HDAC9: variants seen among roughly 807,000 people sequenced by gnomAD.
The protein encoded by HDAC9 is histone deacetylase 9, also known as MEF-2 interacting transcription repressor (MITR) protein.
Under a neutral mutation model 139.4 loss-of-function variants are expected in HDAC9, and 41 were observed. The observed-to-expected ratio is 0.29, with a 90% CI of 0.23 to 0.38. The LOEUF (loss-of-function observed/expected upper bound fraction) is 0.38, where lower values mean the gene tolerates loss of function less well. Among genes scored for constraint, HDAC9 ranks in the 10% least tolerant of loss-of-function variants. HDAC9 has a pLI of 1.00. For synonymous variants in HDAC9, 517 were observed against 476.2 expected, an observed-to-expected ratio of 1.09 and a Z score of -1.12; for missense variants, 1,147 against 1,297.0, an observed-to-expected ratio of 0.88 and a Z score of 1.78.
At chr7:18,432,947 TC>T (rs1200619485) in intron 1 of HDAC9, among the ~76,000 whole-genome samples, 1 of 147,806 alleles carries the variant, frequency 6.8e-6, no homozygotes, top group South Asian at 2.1e-4. Flanking sequence ...TGAGACTCTG[TC>T]TTAAAAAAAA....
intron 2 of HDAC9, among the ~76,000 whole-genome samples, chr7:18,276,166 G>T (rs949234162): frequency 6.6e-6 from 1 of 152,138 alleles, no homozygotes; most frequent in African/African-American, 2.4e-5. Context: ...ATTTTTATCA[G>T]ATTTTATATC....
At chr7:18,800,820 G>A (rs1028697319) in intron 17 of HDAC9, among the ~76,000 whole-genome samples, 1 of 151,962 alleles carries the variant, frequency 6.6e-6, no homozygotes, top group Non-Finnish European at 1.5e-5. Flanking sequence ...AAGACAGAGC[G>A]AGGCCTTGTT....
rs1015539979 is a variant in HDAC9 at position 18,935,674 on chromosome 7, T to C, written c.2804-135T>C. The C allele has an allele frequency of 1.1e-5, 8 of 748,754 alleles. No homozygotes were observed. The South Asian group carries it at 1.5e-4, about 14-fold the overall frequency. 46.4% of individuals were successfully genotyped at this position (748,754 alleles called of 1,614,324 possible). ...TAATAGGACCTAATCCATAAAGTTA[T>C]TTTAAGTATTGGATGAGTTAGCACA... is the stretch of plus-strand genomic sequence containing the variant. On this transcript the variant is annotated intron_variant, in intron 22 of 25. Transcript: ENST00000686413.
intron 21 of HDAC9, among the ~76,000 whole-genome samples, chr7:18,854,708 A>T (rs1489692975): frequency 6.6e-6 from 1 of 152,152 alleles, no homozygotes; most frequent in Non-Finnish European, 1.5e-5. Flanking sequence ...GTCTAATAGA[A>T]GAGTAAATAA....
chr7:18,696,313 A>G (rs1053281894), intron 12 of HDAC9, among the ~76,000 whole-genome samples: 2 of 149,272 alleles, frequency 1.3e-5, no homozygotes, highest in African/African-American at 2.4e-5. Context: ...GCATAATTAC[A>G]TAACTATATT....
chr7:18,995,446 T>G (rs1371505181), intron 25 of HDAC9, among the ~76,000 whole-genome samples: 2 of 152,252 alleles, frequency 1.3e-5, no homozygotes. Context: ...CAGAATACCC[T>G]GCAGATGATG....
rs548175591 is a variant in HDAC9 at position 18,269,757 on chromosome 7, C to CAT, written c.25+107420_25+107421dup. 1.5e-3 allele frequency among the ~76,000 whole-genome samples: 229 copies of CAT among 151,368 alleles called. 3 individuals carry two copies. The East Asian group carries it at 0.025, about 16-fold the overall frequency. ...ATATACGTATATATACATATATACA[C>CAT]ATATATATATATACACACACATATA... is the stretch of plus-strand genomic sequence containing the variant. On this transcript the variant is annotated intron_variant, in intron 2 of 12. Transcript: ENST00000417496.
intron 2 of HDAC9, among the ~76,000 whole-genome samples, chr7:18,209,735 C>G (rs868150635): frequency 8.6e-5 from 13 of 151,674 alleles, no homozygotes; most frequent in African/African-American, 2.7e-4. Context: ...GAGTCTCACT[C>G]TGTTGCCCAG....
At chr7:18,808,138 T>C (rs1276403412) in intron 17 of HDAC9, 2 of 152,182 alleles carry the variant, frequency 1.3e-5, no homozygotes, top group African/African-American at 4.8e-5. Context: ...CGTCATCCTC[T>C]TCAACTAAGT....
chr7:18,616,817 T>G (rs897857218), intron 6 of HDAC9, among the ~76,000 whole-genome samples: 2 of 152,200 alleles, frequency 1.3e-5, no homozygotes, highest in African/African-American at 4.8e-5. Flanking sequence ...TCAGTGGTGC[T>G]GCTGATCCAT....
At chr7:18,746,344 T>A (rs1232362001) in intron 13 of HDAC9, among the ~76,000 whole-genome samples, 1 of 152,174 alleles carries the variant, frequency 6.6e-6, no homozygotes, top group Non-Finnish European at 1.5e-5. Flanking sequence ...GTCTTACACA[T>A]CTCTGTATTT....
intron 25 of HDAC9, among the ~76,000 whole-genome samples, chr7:18,987,138 C>A (rs1322380420): frequency 6.6e-6 from 1 of 152,188 alleles, no homozygotes; most frequent in Non-Finnish European, 1.5e-5. Flanking sequence ...GCATCCCTGG[C>A]TTGTGCCAGT....
intron 6 of HDAC9, among the ~76,000 whole-genome samples, chr7:18,607,630 C>T (rs1376414680): frequency 6.6e-6 from 1 of 152,104 alleles, no homozygotes; most frequent in Non-Finnish European, 1.5e-5. Flanking sequence ...ACTAGAATGG[C>T]AAAAGGAGAC....
chr7:18,719,125 T>C (rs1784932003), intron 12 of HDAC9, among the ~76,000 whole-genome samples: 1 of 152,166 alleles, frequency 6.6e-6, no homozygotes, highest in Non-Finnish European at 1.5e-5. Flanking sequence ...CCTGTTCACC[T>C]CATTTTCAAT....
chr7:18,616,871 T>G (rs73309460), intron 6 of HDAC9, among the ~76,000 whole-genome samples: 7 of 152,178 alleles, frequency 4.6e-5, no homozygotes, highest in Admixed American at 4.6e-4. Flanking sequence ...TTGAATAGAC[T>G]TAGAGGTTAC....
chr7:18,833,265 C>A (rs879326916), intron 19 of HDAC9, among the ~76,000 whole-genome samples: 1 of 152,036 alleles, frequency 6.6e-6, no homozygotes, highest in Admixed American at 6.5e-5. Flanking sequence ...AGTAAGTACC[C>A]AACAGATTTT....
At chr7:18,568,556 G>C (rs1052511975) in intron 2 of HDAC9, among the ~76,000 whole-genome samples, 9 of 152,162 alleles carry the variant, frequency 5.9e-5, no homozygotes. Flanking sequence ...AAGCAACAAA[G>C]TCTAAAATTA....
At chr7:18,746,508 A>G (rs1229114797) in intron 13 of HDAC9, among the ~76,000 whole-genome samples, 4 of 152,238 alleles carry the variant, frequency 2.6e-5, no homozygotes, top group African/African-American at 9.6e-5. Context: ...ATATAAAGCT[A>G]AGTAAAATAA....
chr7:18,509,997 T>C (rs1413330437), intron 2 of HDAC9, among the ~76,000 whole-genome samples: 2 of 152,236 alleles, frequency 1.3e-5, no homozygotes, highest in African/African-American at 2.4e-5. Context: ...TACAGTGTTA[T>C]TGCACAATGT....
Sources: allele counts gnomAD v4.1 joint callset (sites outside exome capture counted in the v4.1 genomes callset), GRCh38; gene constraint gnomAD v4.1.1; transcripts MANE v1.5; gene names NCBI Gene and HGNC (gene_info 2026-07-23, HGNC 2026-07-21).